EYA3: variants seen among roughly 807,000 people sequenced by gnomAD.
The protein encoded by EYA3 is protein phosphatase EYA3.
In EYA3, 39 loss-of-function variants were observed where a neutral mutation model predicts 80.0. That is an observed-to-expected ratio of 0.49 (90% CI 0.38 to 0.64). The LOEUF is 0.64. EYA3 is among the 30% of genes least tolerant of loss of function. The pLI, the probability that EYA3 is intolerant of heterozygous loss-of-function variation, is 0.00. For missense variants in EYA3, 523 were observed against 676.1 expected (o/e 0.77, Z 2.51); for synonymous variants, 206 against 232.8 (o/e 0.88, Z 1.05).
Position 28,010,983 on chromosome 1 carries a change from T to C in EYA3, c.873A>G (p.Lys291=). 6.2e-7 allele frequency: 1 copy of C among 1,614,150 alleles called. No individual in the cohort carries two copies. Among genetic ancestry groups the C allele is most frequent in the Non-Finnish European group, 8.5e-7 (1 of 1,179,990 alleles). Residue 291 remains lysine (K), a synonymous_variant, in exon 10 of 18, where the codon AAA becomes AAG. Transcript: ENST00000373871. ...TGTCTTGGGAAGAAGTGGCATCAGC[T>C]TTCCTCTTGCCCCGGTTCTTGCTAG... is the stretch of plus-strand genomic sequence containing the variant. ...NMTSKNRGKR[K]ADATSSQDSE...
intron 15 of EYA3, among the ~76,000 whole-genome samples, chr1:27,989,112 T>C (rs551124602): frequency 7.9e-5 from 12 of 152,362 alleles, no homozygotes; most frequent in African/African-American, 2.4e-4. Flanking sequence ...TACACATTAA[T>C]TTTATATGTC....
rs1167583139 is a variant in EYA3 at position 27,974,557 on chromosome 1, G to A, written c.1642-11C>T. On this transcript the variant is annotated splice_polypyrimidine_tract_variant and intron_variant, in intron 17 of 17. Coordinates refer to ENST00000373871, the MANE Select transcript of EYA3 (RefSeq NM_001990.4). Reference sequence around the variant, plus strand: ...GAAAGGCATGTTGTGCTGGAAGAGAGTGGGAATAGCTGGTTAATCCAACTT... The same window carrying A: ...GAAAGGCATGTTGTGCTGGAAGAGAATGGGAATAGCTGGTTAATCCAACTT... The A allele has an allele frequency of 6.2e-7, 1 of 1,610,608 alleles. No homozygotes were observed. The highest frequency in any genetic ancestry group is 1.1e-5 in the South Asian group (1 of 91,020).
chr1:28,020,688 G>GTGTGTGTA (rs1642377630), intron 7 of EYA3, among the ~76,000 whole-genome samples: 3 of 102,546 alleles, frequency 2.9e-5, no homozygotes, highest in Middle Eastern at 5.7e-3. Context: ...GTGTGTGTGT[G>GTGTGTGTA]TGTGTGTGTG....
At chr1:28,017,013 G>T (rs1362660766) in intron 8 of EYA3, 141 bp downstream of exon 8, 2 of 631,610 alleles carry the variant, frequency 3.2e-6, no homozygotes, top group Non-Finnish European at 5.6e-6. Context: ...CAGGGTCCGA[G>T]TTCTGAAGGT....
intron 7 of EYA3, among the ~76,000 whole-genome samples, chr1:28,027,206 C>A (rs1306894051): frequency 1.3e-5 from 2 of 152,124 alleles, no homozygotes; most frequent in Non-Finnish European, 2.9e-5. Context: ...TTTTTGTTTT[C>A]TTTCCTAATA....
Position 28,008,595 on chromosome 1 carries a change from A to G in EYA3, c.909+2352T>C, listed in dbSNP as rs72656585. ...GATTAATAATCTAGAATATTCTAGA[A>G]TATTAATATAGAATATACAAAGAAC... On this transcript the variant is annotated intron_variant, in intron 10 of 17. Transcript: ENST00000373871. Among the ~76,000 whole-genome samples the G allele has an allele frequency of 9.2e-3, 1,402 of 152,252 alleles. 10 individuals are homozygous for G. The highest frequency in any genetic ancestry group is 0.017 in the African/African-American group (702 of 41,542).
chr1:28,014,031 C>G (rs1454578500), intron 8 of EYA3, among the ~76,000 whole-genome samples: 1 of 152,176 alleles, frequency 6.6e-6, no homozygotes, highest in African/African-American at 2.4e-5. Flanking sequence ...TCACTGCACT[C>G]CAGCCTGGGT....
chr1:28,047,964 A>AGTG (rs1644088399), intron 3 of EYA3, among the ~76,000 whole-genome samples: 1 of 152,128 alleles, frequency 6.6e-6, no homozygotes, highest in Admixed American at 6.5e-5. Context: ...CTATAAGAGG[A>AGTG]GTGGGGTTAA....
chr1:27,985,268 C>A (rs951205094), intron 16 of EYA3, among the ~76,000 whole-genome samples: 115 of 151,264 alleles, frequency 7.6e-4, no homozygotes, highest in Non-Finnish European at 7.8e-4. Context: ...AAAACAAAAA[C>A]AAAAACAACT....
At chr1:28,017,652 G>A (rs779252551) in intron 7 of EYA3, among the ~76,000 whole-genome samples, 14 of 152,180 alleles carry the variant, frequency 9.2e-5, no homozygotes, top group Non-Finnish European at 1.9e-4. Context: ...ATTGTTTGCT[G>A]TCACTTGCCC....
chr1:27,986,502 A>G (rs1639668424), intron 16 of EYA3, among the ~76,000 whole-genome samples: 1 of 148,066 alleles, frequency 6.8e-6, no homozygotes, highest in African/African-American at 2.5e-5. Context: ...GGCTCAAGCA[A>G]TTCTCCTGCC....
At chr1:27,981,984 A>G (rs1207115626) in intron 16 of EYA3, among the ~76,000 whole-genome samples, 1 of 151,100 alleles carries the variant, frequency 6.6e-6, no homozygotes, top group Non-Finnish European at 1.5e-5. Context: ...GATTGTAGGT[A>G]CAAGCCATCA....
chr1:28,075,116 T>A (rs1229296151), intron 1 of EYA3, among the ~76,000 whole-genome samples: 5 of 152,188 alleles, frequency 3.3e-5, no homozygotes, highest in Non-Finnish European at 7.3e-5. Flanking sequence ...AGCCTTTACT[T>A]CTTGCTTGCA....
chr1:28,068,316 GA>G (rs1644905656), intron 1 of EYA3, among the ~76,000 whole-genome samples: 1 of 144,784 alleles, frequency 6.9e-6, no homozygotes, highest in Admixed American at 7.0e-5. Context: ...TGGGCAACAA[GA>G]GTTAAGACTC....
chr1:28,075,207 A>G (rs1645158724), intron 1 of EYA3, among the ~76,000 whole-genome samples: 2 of 152,182 alleles, frequency 1.3e-5, no homozygotes, highest in African/African-American at 2.4e-5. Flanking sequence ...AACCCTACAC[A>G]TGCACATAGC....
intron 14 of EYA3, 107 bp from the exon 15 acceptor site, chr1:27,989,918 TCTA>T (rs778914130): frequency 5.7e-5 from 32 of 565,992 alleles, no homozygotes; most frequent in Middle Eastern, 4.9e-4. Flanking sequence ...ACTGAAATAT[TCTA>T]CTGAGTATGT....
At chr1:28,035,787 C>T (rs1643420096) in intron 5 of EYA3, 107 bp from the exon 6 acceptor site, 7 of 1,055,618 alleles carry the variant, frequency 6.6e-6, no homozygotes, top group Admixed American at 2.4e-5. Flanking sequence ...AACAAGGAGA[C>T]TAATCTTCCA....
intron 16 of EYA3, among the ~76,000 whole-genome samples, chr1:27,987,005 T>A (rs1046625299): frequency 6.6e-6 from 1 of 152,146 alleles, no homozygotes; most frequent in African/African-American, 2.4e-5. Context: ...CCCGGCCTCT[T>A]AACAATTTTT....
intron 7 of EYA3, among the ~76,000 whole-genome samples, chr1:28,020,827 T>C (rs1642388082): frequency 6.6e-6 from 1 of 152,134 alleles, no homozygotes; most frequent in African/African-American, 2.4e-5. Flanking sequence ...CTGGCTCCTA[T>C]TATTATGTAT....
Sources: allele counts gnomAD v4.1 joint callset (sites outside exome capture counted in the v4.1 genomes callset), GRCh38; gene constraint gnomAD v4.1.1; transcripts MANE v1.5; gene names NCBI Gene and HGNC (gene_info 2026-07-23, HGNC 2026-07-21).